Variants in SNTG2 observed in about 807,000 individuals in gnomAD.
SNTG2 encodes the protein gamma-2-syntrophin.
SNTG2 carries 74 observed loss-of-function variants against 70.9 expected under a neutral mutation model. The ratio of observed to expected loss-of-function variants is 1.04; its 90% CI spans 0.86 to 1.27. The LOEUF (loss-of-function observed/expected upper bound fraction) is 1.27. Among genes scored for constraint, SNTG2 ranks in the 50% most tolerant of loss-of-function variants. SNTG2 has a pLI of 0.00. For synonymous variants in SNTG2, 278 were observed against 273.8 expected (o/e 1.02, Z -0.15); for missense variants, 717 against 690.7 (o/e 1.04, Z -0.43).
At chr2:1,054,197 G>A (rs183338031) in intron 1 of SNTG2, among the ~76,000 whole-genome samples, 59 of 152,172 alleles carry the variant, frequency 3.9e-4, no homozygotes, top group African/African-American at 1.4e-3. Context: ...CGGCTCGGGG[G>A]TGTTCTGCCA....
chr2:1,160,985 T>A (rs976735400), intron 6 of SNTG2: 2 of 152,236 alleles, frequency 1.3e-5, no homozygotes, highest in Non-Finnish European at 2.9e-5. Flanking sequence ...CATTTCATAG[T>A]TGACTCCTTT....
chr2:1,347,104 A>G (rs540896908), intron 16 of SNTG2, among the ~76,000 whole-genome samples: 1 of 152,098 alleles, frequency 6.6e-6, no homozygotes, highest in South Asian at 2.1e-4. Flanking sequence ...AAAAAAGGTG[A>G]GAGCTCAGTA....
chr2:1,322,568 G>A (rs1681580632), intron 16 of SNTG2, among the ~76,000 whole-genome samples: 1 of 152,074 alleles, frequency 6.6e-6, no homozygotes, highest in Admixed American at 6.6e-5. Flanking sequence ...AAGACATCTG[G>A]TACCAGATTC....
intron 9 of SNTG2, among the ~76,000 whole-genome samples, chr2:1,234,347 C>A (rs1200386546): frequency 6.6e-6 from 1 of 152,214 alleles, no homozygotes; most frequent in Non-Finnish European, 1.5e-5. Context: ...TTAGTATCTG[C>A]CATCAGCATT....
chr2:1,212,229 G>A (rs969341962), intron 9 of SNTG2, among the ~76,000 whole-genome samples: 1 of 152,114 alleles, frequency 6.6e-6, no homozygotes, highest in African/African-American at 2.4e-5. Flanking sequence ...GGGTTCTCCT[G>A]ATATCTGGTC....
At chr2:1,156,524 G>A (rs1669907613) in intron 6 of SNTG2, among the ~76,000 whole-genome samples, 1 of 152,150 alleles carries the variant, frequency 6.6e-6, no homozygotes, top group Admixed American at 6.5e-5. Flanking sequence ...GTCCCCAGAG[G>A]ATGAACCGTC....
intron 4 of SNTG2, among the ~76,000 whole-genome samples, chr2:1,124,805 TGAG>T (rs1265714707): frequency 2.0e-5 from 3 of 151,982 alleles, no homozygotes; most frequent in Non-Finnish European, 2.9e-5. Flanking sequence ...TGGGGAGGAA[TGAG>T]GAGCTGGAGG....
intron 1 of SNTG2, among the ~76,000 whole-genome samples, chr2:1,012,327 C>G (rs925142304): frequency 1.3e-5 from 2 of 152,218 alleles, no homozygotes; most frequent in East Asian, 1.9e-4. Context: ...CATGAGTTCT[C>G]TCATCCTCGG....
chr2:1,327,138 A>G (rs955435696), intron 16 of SNTG2, among the ~76,000 whole-genome samples: 2 of 152,060 alleles, frequency 1.3e-5, no homozygotes, highest in Admixed American at 1.3e-4. Flanking sequence ...TAGTAGCCTT[A>G]ATGTATAGTG....
At chr2:1,226,670 TTCTTA>T (rs1372772851) in intron 9 of SNTG2, among the ~76,000 whole-genome samples, 1 of 151,994 alleles carries the variant, frequency 6.6e-6, no homozygotes, top group African/African-American at 2.4e-5. Flanking sequence ...CAAGCCAGGC[TTCTTA>T]TCTTAATTTT....
chr2:1,252,136 T>G (rs1359697305), intron 12 of SNTG2, among the ~76,000 whole-genome samples: 1 of 152,234 alleles, frequency 6.6e-6, no homozygotes, highest in Non-Finnish European at 1.5e-5. Context: ...TTGATCTAAC[T>G]GGATCCTTGA....
intron 14 of SNTG2, among the ~76,000 whole-genome samples, chr2:1,271,707 T>A (rs905196161): frequency 6.6e-6 from 1 of 152,084 alleles, no homozygotes; most frequent in African/African-American, 2.4e-5. Context: ...TTCATGTCGG[T>A]GTTCAGGGGA....
intron 8 of SNTG2, among the ~76,000 whole-genome samples, chr2:1,208,629 C>G (rs1673825396): frequency 6.6e-6 from 1 of 152,174 alleles, no homozygotes; most frequent in African/African-American, 2.4e-5. Flanking sequence ...CCATCTGGGC[C>G]CGGCTCTGAC....
chr2:1,267,861 G>A (rs141908030), intron 14 of SNTG2, among the ~76,000 whole-genome samples: 3 of 152,192 alleles, frequency 2.0e-5, no homozygotes, highest in African/African-American at 4.8e-5. Context: ...CCGATGTGGC[G>A]CTCAAGTTCC....
intron 16 of SNTG2, among the ~76,000 whole-genome samples, chr2:1,325,729 A>C (rs940582632): frequency 1.3e-5 from 2 of 152,260 alleles, no homozygotes; most frequent in African/African-American, 4.8e-5. Flanking sequence ...AAAAGACAGA[A>C]TAGCCATGGT....
chr2:1,185,599 G>A (rs1226899635), intron 8 of SNTG2, among the ~76,000 whole-genome samples: 2 of 152,204 alleles, frequency 1.3e-5, no homozygotes, highest in African/African-American at 2.4e-5. Flanking sequence ...AGTCACCAAG[G>A]ATTACAACTT....
chr2:1,283,999 C>T (rs1020406011), intron 14 of SNTG2, among the ~76,000 whole-genome samples: 2 of 152,104 alleles, frequency 1.3e-5, no homozygotes, highest in African/African-American at 4.8e-5. Flanking sequence ...ATTTGAAAGT[C>T]CCCGCAGTGA....
At chr2:1,056,185 A>C (rs1295477567) in intron 1 of SNTG2, among the ~76,000 whole-genome samples, 1 of 140,084 alleles carries the variant, frequency 7.1e-6, no homozygotes, top group East Asian at 2.8e-4. Context: ...TGAAGGAAGG[A>C]GTTGAATAAG....
intron 6 of SNTG2, among the ~76,000 whole-genome samples, chr2:1,145,457 G>A (rs939637179): frequency 6.6e-6 from 1 of 152,052 alleles, no homozygotes; most frequent in African/African-American, 2.4e-5. Context: ...TTGATAACCT[G>A]GATAAAATGC....
Sources: gnomAD v4.1 joint callset for allele counts (sites outside exome capture counted in the v4.1 genomes callset) on GRCh38, gnomAD v4.1.1 for gene constraint, MANE v1.5 for transcripts, NCBI Gene and HGNC (gene_info 2026-07-23, HGNC 2026-07-21) for gene names.